Variants in POLR3A observed in about 807,000 individuals in gnomAD.
POLR3A encodes DNA-directed RNA polymerase III subunit RPC1.
A neutral mutation model predicts 152.8 loss-of-function variants in POLR3A; 112 were observed. The ratio of observed to expected loss-of-function variants is 0.73; its 90% CI spans 0.63 to 0.86. The LOEUF (loss-of-function observed/expected upper bound fraction) is 0.86, where lower values mean the gene tolerates loss of function less well. Ranked by LOEUF, POLR3A falls within the 40% of genes least tolerant of loss-of-function variation. The pLI, the probability that POLR3A is intolerant of heterozygous loss-of-function variation, is 0.00. For missense variants in POLR3A, 1,385 were observed against 1,743.1 expected, an observed-to-expected ratio of 0.79 and a Z score of 3.66; for synonymous variants, 615 against 652.1, an observed-to-expected ratio of 0.94 and a Z score of 0.87.
chr10:78,000,948 C>T, intron 18 of POLR3A, 28 bp downstream of exon 18: 1 of 1,131,128 alleles, frequency 8.8e-7, no homozygotes, highest in East Asian at 2.4e-5. Context: ...GAGATCTTCA[C>T]AGTTCTACCT....
chr10:78,027,667 C>A (rs1266365217), intron 1 of POLR3A, among the ~76,000 whole-genome samples: 1 of 150,876 alleles, frequency 6.6e-6, no homozygotes, highest in Non-Finnish European at 1.5e-5. Flanking sequence ...TCTCCTGCCT[C>A]AGACTCCCAA....
chr10:77,993,566 T>C (rs1352438078), intron 19 of POLR3A, among the ~76,000 whole-genome samples, 199 bp from the exon 20 acceptor site: 1 of 152,188 alleles, frequency 6.6e-6, no homozygotes, highest in African/African-American at 2.4e-5. Context: ...GCAGTGGGAT[T>C]TGGAATATGC....
rs1847173039 is a variant in POLR3A at position 77,983,997 on chromosome 10, C to T, written c.3352G>A (p.Glu1118Lys). 6.2e-7 allele frequency: 1 copy of T among 1,609,234 alleles called. No homozygotes were observed. Among genetic ancestry groups the T allele is most frequent in the Non-Finnish European group, 8.5e-7 (1 of 1,175,696 alleles). Reference protein sequence around the residue: ...TLLGEISEYIEEVFLPDDCFI... With the variant: ...TLLGEISEYIKEVFLPDDCFI... ...CAGTCATCAGGAAGAAACACTTCTT[C>T]AATATACTCGGAAATCTGGAGTGTC... The change falls in exon 26 of 31, where the codon GAA becomes AAA. Residue 1118 changes from glutamate (E) to lysine (K), a missense_variant. By Grantham distance (56) the Glu-to-Lys change is moderately conservative. This residue lies in a region of POLR3A where 332 missense variants were observed against 400.1 expected (regional missense o/e 0.83). Transcript: ENST00000372371.
chr10:77,979,569 G>A (rs1302566691), intron 30 of POLR3A, among the ~76,000 whole-genome samples: 9 of 152,242 alleles, frequency 5.9e-5, no homozygotes, highest in African/African-American at 7.2e-5. Flanking sequence ...CGAGTGGCGG[G>A]GATGAGGCAT....
At chr10:77,980,373 C>A in intron 29 of POLR3A, 100 bp from the exon 30 acceptor site, 1 of 1,147,262 alleles carries the variant, frequency 8.7e-7, no homozygotes, top group South Asian at 1.3e-5. Context: ...AAAAATCCTC[C>A]AAGACCCAAC....
chr10:78,002,094 A>G (rs1847362669), intron 17 of POLR3A, 103 bp downstream of exon 17: 2 of 679,150 alleles, frequency 2.9e-6, no homozygotes, highest in Non-Finnish European at 5.1e-6. Context: ...GATCCCTTAA[A>G]TAAATGAAAT....
intron 21 of POLR3A, among the ~76,000 whole-genome samples, chr10:77,988,315 A>G (rs2131933226): frequency 6.6e-6 from 1 of 152,242 alleles, no homozygotes; most frequent in African/African-American, 2.4e-5. Context: ...TGAGGTCAGG[A>G]GTTGGAGACC....
intron 9 of POLR3A, 61 bp downstream of exon 9, chr10:78,019,101 G>T: frequency 8.9e-7 from 1 of 1,128,722 alleles, no homozygotes; most frequent in South Asian, 1.2e-5. Flanking sequence ...GGCTGAGTAT[G>T]ACCACAGTGA....
rs1401696657 is a variant in POLR3A at position 78,014,429 on chromosome 10, T to C, written c.1432-639A>G. On this transcript the variant is annotated intron_variant, in intron 10 of 30. Coordinates refer to ENST00000372371, the MANE Select transcript of POLR3A (RefSeq NM_007055.4). ...AAGTTACTGAGCACTAACCCCCTTT[T>C]TTTTTGAGACGTAGTCTCACTCTGT... 3.3e-5 allele frequency among the ~76,000 whole-genome samples: 5 copies of C among 151,688 alleles called. No homozygotes were observed. The East Asian group carries it at 5.8e-4, about 18-fold the overall frequency.
At position 77,978,998 on chromosome 10, in the gene POLR3A, A is replaced by T. The variant is rs188997909; in HGVS notation, c.4024+1143T>A. On this transcript the variant is annotated intron_variant, in intron 30 of 30. Transcript: ENST00000372371. ...TTTGATTTTAAAAATATTTAAATAG[A>T]CACGAGTTCTCATTATGTTGCCCAG... is the stretch of plus-strand genomic sequence containing the variant. 1.3e-3 allele frequency among the ~76,000 whole-genome samples: 201 copies of T among 151,986 alleles called. 1 individual carries two copies. The highest frequency in any genetic ancestry group is 4.8e-3 in the African/African-American group (198 of 41,456).
Position 77,985,943 on chromosome 10 carries a change from C to T in POLR3A, c.3031G>A (p.Val1011Ile). The stretch of plus-strand genomic sequence containing the variant: ...CTACAGGTCTCCAGAAACTTTTCTA[C>T]TTGGGTGGGGGTGATGCGGTCCAGC... ...YQLDRITPTQVEKFLETCRDK... is the reference protein window; with the variant it reads ...YQLDRITPTQIEKFLETCRDK... Residue 1011 changes from valine to isoleucine, a missense_variant, in exon 23 of 31, where the codon GTA (valine) becomes ATA (isoleucine). Val to Ile is a conservative substitution (Grantham distance 29). Around this residue, in one of 7 missense-constraint regions of POLR3A, gnomAD observed 178 missense variants for 204.6 expected, o/e 0.87. Coordinates refer to ENST00000372371, the MANE Select transcript of POLR3A (RefSeq NM_007055.4). 1.2e-6 allele frequency: 2 copies of T among 1,614,110 alleles called. No individual in the cohort carries two copies. The highest frequency in any genetic ancestry group is 1.7e-6 in the Non-Finnish European group (2 of 1,180,012).
chr10:77,997,643 A>G (rs911330182), intron 19 of POLR3A, among the ~76,000 whole-genome samples: 7 of 152,238 alleles, frequency 4.6e-5, no homozygotes, highest in Admixed American at 1.3e-4. Flanking sequence ...CCACTGCTCA[A>G]TGAAATAAAA....
Position 78,017,651 on chromosome 10 carries a change from C to T in POLR3A, c.1355G>A (p.Arg452Lys), listed in dbSNP as rs755007251. 3 of 1,613,916 alleles carry T rather than the reference C, an allele frequency of 1.9e-6. No homozygotes were observed. The Admixed American group carries it at 5.0e-5, about 27-fold the overall frequency. ...QELKYGDIVERHLIDGDVVLF... is the reference protein window; with the variant it reads ...QELKYGDIVEKHLIDGDVVLF... ...CACCACATCTCCATCGATGAGGTGT[C>T]TCTCTACGATGTCACCATACTTGAG... The change falls in exon 10 of 31, where the codon AGA (arginine) becomes AAA (lysine). Residue 452 changes from arginine (R) to lysine (K), a missense_variant. Physicochemically the swap from Arg to Lys is conservative, Grantham distance 26. This residue lies in a region of POLR3A where 493 missense variants were observed against 647.5 expected (regional missense o/e 0.76). Transcript: ENST00000372371.
At chr10:77,998,099 T>C (rs1207192299) in intron 19 of POLR3A, among the ~76,000 whole-genome samples, 3 of 152,170 alleles carry the variant, frequency 2.0e-5, no homozygotes, top group African/African-American at 7.2e-5. Flanking sequence ...TGGGTAGTCA[T>C]ATGTAGAAAG....
chr10:78,017,738 T>C, intron 9 of POLR3A, 22 bp from the exon 10 acceptor site: 1 of 1,613,836 alleles, frequency 6.2e-7, no homozygotes, highest in African/African-American at 1.3e-5. Context: ...ACAATAAACA[T>C]GATCTGTGAA....
intron 5 of POLR3A, among the ~76,000 whole-genome samples, chr10:78,022,802 T>C (rs528796940): frequency 3.9e-5 from 6 of 152,110 alleles, no homozygotes; most frequent in South Asian, 4.2e-4. Flanking sequence ...CAGCAAGCCA[T>C]TGGGGGGAAA....
rs759130815 is a variant in POLR3A at position 77,984,032 on chromosome 10, G to C, written c.3337-20C>G. 6.5e-7 allele frequency: 1 copy of C among 1,542,832 alleles called. No individual in the cohort carries two copies. Among genetic ancestry groups the C allele is most frequent in the Admixed American group, 1.7e-5 (1 of 59,638 alleles). On this transcript the variant is annotated intron_variant, in intron 25 of 30. Coordinates refer to ENST00000372371, the MANE Select transcript of POLR3A (RefSeq NM_007055.4). Reference sequence around the variant, plus strand: ...GGAAATCTGGAGTGTCAAAAGATCAGACTGTTAATCAGCCGCTTTCCCCTT... The same window carrying C: ...GGAAATCTGGAGTGTCAAAAGATCACACTGTTAATCAGCCGCTTTCCCCTT...
intron 19 of POLR3A, among the ~76,000 whole-genome samples, chr10:77,996,119 C>G (rs1389425820): frequency 1.3e-5 from 2 of 151,934 alleles, no homozygotes; most frequent in African/African-American, 2.4e-5. Context: ...CCAACGAGAA[C>G]AAAGACACAA....
rs770739700 is a variant in POLR3A at position 78,021,545 on chromosome 10, C to A, written c.1185+1G>T. 6.2e-7 allele frequency: 1 copy of A among 1,613,956 alleles called. No homozygotes were observed. ...AATTGAGCAGCTGAGTGGTCACTTACCTTCTCAGGAAAAGTTAGAATTTTG... is the reference window on the plus strand; with the variant it reads ...AATTGAGCAGCTGAGTGGTCACTTAACTTCTCAGGAAAAGTTAGAATTTTG... On this transcript the variant is annotated splice_donor_variant, in intron 8 of 30. Transcript: ENST00000372371. LOFTEE classifies it high-confidence loss of function.
Sources: allele counts gnomAD v4.1 joint callset (sites outside exome capture counted in the v4.1 genomes callset), GRCh38; gene constraint gnomAD v4.1.1; regional missense constraint gnomAD v4.1.1; transcripts MANE v1.5; gene names NCBI Gene and HGNC (gene_info 2026-07-23, HGNC 2026-07-21).